PCDHA3: variants seen among roughly 807,000 people sequenced by gnomAD.
PCDHA3 encodes protocadherin alpha-3.
In PCDHA3, 41 loss-of-function variants were observed where a neutral mutation model predicts 62.2. The observed-to-expected ratio is 0.66, with a 90% CI of 0.51 to 0.86. The LOEUF (loss-of-function observed/expected upper bound fraction) is 0.86. Ranked by LOEUF, PCDHA3 falls within the 40% of genes least tolerant of loss-of-function variation. The pLI is 0.00. For synonymous variants in PCDHA3, 640 were observed against 555.4 expected, an observed-to-expected ratio of 1.15 and a Z score of -2.14; for missense variants, 1,304 against 1,241.2, an observed-to-expected ratio of 1.05 and a Z score of -0.76.
chr5:140,803,382 G>T lies in PCDHA3; in HGVS notation c.2185G>T (p.Glu729Ter), dbSNP rs547051375. 1 of 1,614,202 alleles carries T rather than the reference G, an allele frequency of 6.2e-7. No individual in the cohort carries two copies. Among genetic ancestry groups the T allele is most frequent in the Non-Finnish European group, 8.5e-7 (1 of 1,180,036 alleles). Reference protein sequence around the residue: ...TALRCSAPPTEGDCGPGKPTL... With the variant: ...TALRCSAPPT ...TCTGCGGTGCTCCGCGCCGCCAACC[G>T]AAGGCGACTGTGGGCCGGGCAAGCC... The change falls in exon 1 of 4, where the codon GAA becomes TAA. Residue 729 changes from glutamate to a stop codon, truncating the protein, a stop_gained. Coordinates refer to ENST00000522353, the MANE Select transcript of PCDHA3 (RefSeq NM_018906.3). LOFTEE classifies it high-confidence loss of function.
At chr5:140,905,197 T>A (rs2071673542) in intron 1 of PCDHA3, among the ~76,000 whole-genome samples, 1 of 152,220 alleles carries the variant, frequency 6.6e-6, no homozygotes. Flanking sequence ...TTGATCCATC[T>A]TGAGTTGATT....
intron 1 of PCDHA3, among the ~76,000 whole-genome samples, chr5:140,926,112 A>G (rs556372882): frequency 3.3e-4 from 51 of 152,258 alleles, no homozygotes; most frequent in African/African-American, 1.2e-3. Context: ...AAGAGGGTGC[A>G]GGACAGACTT....
chr5:140,988,560 T>C (rs1184536302), intron 3 of PCDHA3, among the ~76,000 whole-genome samples: 3 of 152,138 alleles, frequency 2.0e-5, no homozygotes, highest in Admixed American at 2.0e-4. Context: ...CATCTTCTTC[T>C]TGGGAAAACA....
chr5:140,851,317 G>C, intron 1 of PCDHA3: 1 of 992,602 alleles, frequency 1.0e-6, no homozygotes, highest in Non-Finnish European at 1.2e-6. Flanking sequence ...TTGTTACCTT[G>C]TTAAGTTTGT....
intron 1 of PCDHA3, chr5:140,808,220 G>C: frequency 6.2e-7 from 1 of 1,614,204 alleles, no homozygotes; most frequent in Non-Finnish European, 8.5e-7. Context: ...AGACAACAAC[G>C]ATAATGTCCC....
At chr5:140,858,485 T>G (rs2045446148) in intron 1 of PCDHA3, 1 of 1,503,010 alleles carries the variant, frequency 6.7e-7, no homozygotes, top group Non-Finnish European at 9.1e-7. Flanking sequence ...GAATAATATT[T>G]TCTCTTACCG....
At chr5:140,844,257 G>C (rs1328189428) in intron 1 of PCDHA3, among the ~76,000 whole-genome samples, 7 of 149,406 alleles carry the variant, frequency 4.7e-5, no homozygotes, top group African/African-American at 1.7e-4. Context: ...AAGCAGTGTA[G>C]TGATAAAATA....
chr5:140,822,866 T>A lies in PCDHA3; in HGVS notation c.2394+19275T>A. On this transcript the variant is annotated intron_variant, in intron 1 of 3. Transcript: ENST00000522353. ...CTGCCTGTCAAAGAGGACGCTCCACTCAGCACGGTCATTGCTCTGATCAGC... is the reference window on the plus strand; with the variant it reads ...CTGCCTGTCAAAGAGGACGCTCCACACAGCACGGTCATTGCTCTGATCAGC... 3 of 1,614,194 alleles carry A rather than the reference T, an allele frequency of 1.9e-6. No individual in the cohort carries two copies. The highest frequency in any genetic ancestry group is 2.5e-6 in the Non-Finnish European group (3 of 1,180,044).
intron 1 of PCDHA3, chr5:140,850,397 G>A: frequency 1.3e-6 from 2 of 1,597,954 alleles, no homozygotes; most frequent in Non-Finnish European, 1.7e-6. Context: ...TCAGCACAAC[G>A]CGTGCCCTGG....
At chr5:140,834,243 A>G (rs1260140058) in intron 1 of PCDHA3, 2 of 837,910 alleles carry the variant, frequency 2.4e-6, no homozygotes, top group African/African-American at 3.4e-5. Flanking sequence ...TCCTTTTCGC[A>G]CTGGAAAGAC....
At chr5:140,815,254 C>CT (rs1554126711) in intron 1 of PCDHA3, 1 of 152,030 alleles carries the variant, frequency 6.6e-6, no homozygotes, top group African/African-American at 2.4e-5. Flanking sequence ...AGCTTGTAGA[C>CT]TTTTTGCTCC....
intron 1 of PCDHA3, chr5:140,884,124 G>T: frequency 6.2e-7 from 1 of 1,613,344 alleles, no homozygotes; most frequent in South Asian, 1.1e-5. Flanking sequence ...GTCGGCGCGC[G>T]CATCCCGTTC....
intron 1 of PCDHA3, among the ~76,000 whole-genome samples, chr5:140,845,869 C>A (rs1190017155): frequency 6.7e-6 from 1 of 149,586 alleles, no homozygotes; most frequent in Non-Finnish European, 1.5e-5. Flanking sequence ...TGCAGAAAGG[C>A]AACCTAAAAT....
intron 1 of PCDHA3, chr5:140,824,610 G>GTTTTTTTTTTTTTTTTTTTTTTTT (rs782443702): frequency 7.4e-5 from 7 of 95,108 alleles, no homozygotes; most frequent in African/African-American, 1.5e-4. Flanking sequence ...GCTAATTAAA[G>GTTTTTTTTTTTTTTTTTTTTTTTT]TTTTTTTTTT....
At chr5:140,884,665 A>G (rs1554181817) in intron 1 of PCDHA3, 9 of 1,578,032 alleles carry the variant, frequency 5.7e-6, no homozygotes, top group Non-Finnish European at 7.7e-6. Context: ...TGAAAGAGGT[A>G]AGCTTATATT....
intron 1 of PCDHA3, chr5:140,807,956 A>G: frequency 1.2e-6 from 2 of 1,612,664 alleles, no homozygotes; most frequent in Non-Finnish European, 1.7e-6. Context: ...AAATGTTCCT[A>G]ATGGAACATT....
Position 140,803,009 on chromosome 5 carries a change from C to T in PCDHA3, c.1812C>T (p.Asn604=). The T allele has an allele frequency of 6.2e-7, 1 of 1,614,016 alleles. No individual in the cohort carries two copies. The highest frequency in any genetic ancestry group is 8.5e-7 in the Non-Finnish European group (1 of 1,179,924). The change falls in exon 1 of 4, where the codon AAC becomes AAT. Residue 604 remains asparagine, a synonymous_variant. Coordinates refer to ENST00000522353, the MANE Select transcript of PCDHA3 (RefSeq NM_018906.3). The part of the protein sequence containing the change: ...VRAVDADSGY[N]AWLSYELQPG... ...CAGTGGATGCAGACTCAGGCTACAA[C>T]GCGTGGCTTTCGTATGAGCTGCAGC...
chr5:140,892,516 C>T (rs1308217040), intron 1 of PCDHA3, among the ~76,000 whole-genome samples: 1 of 152,222 alleles, frequency 6.6e-6, no homozygotes, highest in East Asian at 1.9e-4. Context: ...TCCACCATGA[C>T]TGGTAGACTC....
At chr5:140,892,136 G>T (rs1441807118) in intron 1 of PCDHA3, among the ~76,000 whole-genome samples, 1 of 152,254 alleles carries the variant, frequency 6.6e-6, no homozygotes, top group East Asian at 1.9e-4. Flanking sequence ...TAAGCTCATG[G>T]TTTTAGCGTC....
Sources: allele counts gnomAD v4.1 joint callset (sites outside exome capture counted in the v4.1 genomes callset), GRCh38; gene constraint gnomAD v4.1.1; transcripts MANE v1.5; gene names NCBI Gene and HGNC (gene_info 2026-07-23, HGNC 2026-07-21).